The following DLG2 variants were observed in gnomAD, a reference collection of about 807,000 sequenced individuals.
The protein encoded by DLG2 is disks large homolog 2.
DLG2 carries 45 observed loss-of-function variants against 132.5 expected under a neutral mutation model. The observed-to-expected ratio is 0.34, with a 90% CI of 0.27 to 0.44. DLG2 has a LOEUF of 0.44. DLG2 is among the 20% of genes least tolerant of loss of function. The pLI, the probability that DLG2 is intolerant of heterozygous loss-of-function variation, is 1.00. For missense variants in DLG2, 1,045 were observed against 1,196.9 expected (o/e 0.87, Z 1.87); for synonymous variants, 424 against 419.6 (o/e 1.01, Z -0.13).
chr11:84,573,084 GT>G (rs2099489661), intron 6 of DLG2, among the ~76,000 whole-genome samples: 1 of 152,144 alleles, frequency 6.6e-6, no homozygotes, highest in African/African-American at 2.4e-5. Flanking sequence ...ACAAATGGTT[GT>G]TGTTAATAAG....
chr11:85,443,644 A>C (rs1230303345), intron 3 of DLG2, among the ~76,000 whole-genome samples: 1 of 152,218 alleles, frequency 6.6e-6, no homozygotes, highest in Non-Finnish European at 1.5e-5. Flanking sequence ...CACTTCATAG[A>C]AAATCTCATT....
chr11:85,275,652 C>T (rs767037787), intron 4 of DLG2, among the ~76,000 whole-genome samples: 3 of 151,766 alleles, frequency 2.0e-5, no homozygotes, highest in Non-Finnish European at 4.4e-5. Context: ...ATATTCTGCC[C>T]TGTATAGAAA....
intron 6 of DLG2, among the ~76,000 whole-genome samples, chr11:85,058,255 A>G (rs560257064): frequency 3.3e-5 from 5 of 151,668 alleles, no homozygotes; most frequent in Admixed American, 6.6e-5. Context: ...TAAATATATC[A>G]CCAACAATTG....
chr11:83,512,842 TCC>T (rs1157740875), intron 21 of DLG2, among the ~76,000 whole-genome samples: 4 of 152,168 alleles, frequency 2.6e-5, no homozygotes, highest in Non-Finnish European at 4.4e-5. Flanking sequence ...TTCATCCATG[TCC>T]CTACAAAGGA....
chr11:84,777,281 G>GTGTGTATA (rs1218190517), intron 6 of DLG2, among the ~76,000 whole-genome samples: 1 of 95,016 alleles, frequency 1.1e-5, no homozygotes. Context: ...ATGTGTGTGT[G>GTGTGTATA]TATATATATA....
In DLG2 at chr11:83,971,497, G is replaced by C. The variant is rs77568586; in HGVS notation, c.1057-6029C>G. 7.7e-3 allele frequency among the ~76,000 whole-genome samples: 1,168 copies of C among 152,144 alleles called. 15 individuals carry two copies. The highest frequency in any genetic ancestry group is 0.025 in the African/African-American group (1,044 of 41,518). On this transcript the variant is annotated intron_variant, in intron 12 of 27. Transcript: ENST00000376104. ...CAAACATAAATGTAATAATACAAAGGTGGGAGGTGTGGGGGCATGAGAATA... is the reference window on the plus strand; with the variant it reads ...CAAACATAAATGTAATAATACAAAGCTGGGAGGTGTGGGGGCATGAGAATA...
At chr11:85,583,130 G>GTATATA (rs3068386) in intron 3 of DLG2, among the ~76,000 whole-genome samples, 258 of 13,566 alleles carry the variant, frequency 0.019, 16 homozygotes, top group Non-Finnish European at 0.026. Flanking sequence ...GTGTGTGTGT[G>GTATATA]TATATATATA....
chr11:85,506,393 C>A (rs1024672708), intron 3 of DLG2, among the ~76,000 whole-genome samples: 2 of 152,128 alleles, frequency 1.3e-5, no homozygotes, highest in Non-Finnish European at 2.9e-5. Context: ...TTAAATGTGT[C>A]CCAGATATTC....
chr11:85,205,146 GTATATATATATATA>G (rs376041155), intron 4 of DLG2, among the ~76,000 whole-genome samples: 1 of 141,702 alleles, frequency 7.1e-6, no homozygotes, highest in African/African-American at 2.6e-5. Context: ...ATATGTGTGT[GTATATATATATATA>G]TATAGATATA....
At chr11:85,359,193 T>G (rs2083960883) in intron 3 of DLG2, among the ~76,000 whole-genome samples, 1 of 152,240 alleles carries the variant, frequency 6.6e-6, no homozygotes, top group African/African-American at 2.4e-5. Flanking sequence ...GATTCTCTAA[T>G]GAACACATCT....
At chr11:83,748,649 GA>G (rs1260885357) in intron 18 of DLG2, among the ~76,000 whole-genome samples, 1 of 152,146 alleles carries the variant, frequency 6.6e-6, no homozygotes, top group Non-Finnish European at 1.5e-5. Flanking sequence ...GCTTCACTAA[GA>G]AGACAATGTT....
intron 6 of DLG2, among the ~76,000 whole-genome samples, chr11:84,727,733 T>C (rs1316992715): frequency 2.0e-5 from 3 of 152,146 alleles, no homozygotes; most frequent in Non-Finnish European, 4.4e-5. Flanking sequence ...TCCATGAGAA[T>C]GAAGGTTTTT....
At chr11:84,734,047 A>G (rs146709642) in intron 6 of DLG2, among the ~76,000 whole-genome samples, 2,466 of 152,178 alleles carry the variant, frequency 0.016, 37 homozygotes, top group African/African-American at 0.036. Flanking sequence ...GTAGCCTTGT[A>G]ATATAGTTTG....
chr11:83,553,125 T>G (rs1283545848), intron 19 of DLG2, among the ~76,000 whole-genome samples: 1 of 152,198 alleles, frequency 6.6e-6, no homozygotes, highest in Non-Finnish European at 1.5e-5. Flanking sequence ...TAAACTGAAC[T>G]GAACTAAATT....
intron 19 of DLG2, among the ~76,000 whole-genome samples, chr11:83,574,982 TA>T (rs2096852398): frequency 1.3e-5 from 2 of 152,222 alleles, no homozygotes; most frequent in South Asian, 4.1e-4. Flanking sequence ...GTACAATTTC[TA>T]ACTCATTTCC....
intron 11 of DLG2, among the ~76,000 whole-genome samples, chr11:84,053,353 G>A (rs1463266972): frequency 6.6e-6 from 1 of 151,900 alleles, no homozygotes; most frequent in Non-Finnish European, 1.5e-5. Context: ...GGGATGATCT[G>A]TGTAGCCAAC....
At chr11:84,468,413 G>C (rs56162518) in intron 7 of DLG2, among the ~76,000 whole-genome samples, 4,068 of 141,286 alleles carry the variant, frequency 0.029, 122 homozygotes, top group African/African-American at 0.08. Context: ...TCAGCCAAGT[G>C]AGAAACAACA....
chr11:84,526,734 G>T lies in DLG2; in HGVS notation c.519+7836C>A, dbSNP rs530817706. ...CATAAGAAAAAACATAGTATAAATA[G>T]GATTTGGTACTATCTGCAGTTTCAT... On this transcript the variant is annotated intron_variant, in intron 7 of 27. Transcript: ENST00000376104. Among the ~76,000 whole-genome samples the T allele has an allele frequency of 9.3e-5, 14 of 150,830 alleles. No homozygotes were observed. In the East Asian group the frequency reaches 2.5e-3, roughly 27 times the overall value.
At chr11:85,378,222 C>T (rs1279686088) in intron 3 of DLG2, among the ~76,000 whole-genome samples, 3 of 152,106 alleles carry the variant, frequency 2.0e-5, no homozygotes, top group Non-Finnish European at 4.4e-5. Flanking sequence ...ATTTTCACAT[C>T]TTGAACATAT....
Sources: gnomAD v4.1 joint callset for allele counts (sites outside exome capture counted in the v4.1 genomes callset) on GRCh38, gnomAD v4.1.1 for gene constraint, MANE v1.5 for transcripts, NCBI Gene and HGNC (gene_info 2026-07-23, HGNC 2026-07-21) for gene names.